Variants in FNDC3A observed in about 807,000 individuals in gnomAD.
FNDC3A encodes fibronectin type III domain containing 3A.
Under a neutral mutation model 148.9 loss-of-function variants are expected in FNDC3A, and 32 were observed. The ratio of observed to expected loss-of-function variants is 0.21; its 90% CI spans 0.16 to 0.29. The LOEUF (loss-of-function observed/expected upper bound fraction) is 0.29, where lower values mean the gene tolerates loss of function less well. Among genes scored for constraint, FNDC3A ranks in the 10% least tolerant of loss-of-function variants. The probability of loss-of-function intolerance (pLI) is 1.00; values close to 1 mark genes in which losing one functional copy is unlikely to be tolerated. For missense variants in FNDC3A, 1,191 were observed against 1,452.8 expected (o/e 0.82, Z 2.93); for synonymous variants, 472 against 473.6 (o/e 1.00, Z 0.04).
intron 4 of FNDC3A, among the ~76,000 whole-genome samples, chr13:49,125,014 G>A (rs1356483236): frequency 2.0e-5 from 3 of 152,152 alleles, no homozygotes; most frequent in African/African-American, 7.2e-5. Context: ...TTTATAGAAT[G>A]TGGGCTGTTA....
At chr13:49,029,040 C>T (rs780306941) in intron 2 of FNDC3A, among the ~76,000 whole-genome samples, 73 of 152,134 alleles carry the variant, frequency 4.8e-4, no homozygotes, top group Non-Finnish European at 9.3e-4. Context: ...GTGACATAAT[C>T]ATGGCCCACT....
Position 49,207,534 on chromosome 13 carries a change from G to T in FNDC3A, c.*139G>T, listed in dbSNP as rs1039951496. 1.7e-6 allele frequency: 1 copy of T among 579,686 alleles called. No homozygotes were observed. The highest frequency in any genetic ancestry group is 3.4e-5 in the Admixed American group (1 of 29,622). The allele number at this position is 579,686 out of a possible 1,614,324, so 35.9% of individuals were successfully genotyped here. ...GCACATCATTTTTGCCATTTTCAGT[G>T]CTTATATTGTTAGGTAGAGGCTGGC... On this transcript the variant is annotated 3_prime_UTR_variant, in exon 26 of 26. Coordinates refer to ENST00000492622, the MANE Select transcript of FNDC3A (RefSeq NM_001079673.2).
intron 24 of FNDC3A, among the ~76,000 whole-genome samples, chr13:49,202,795 G>T (rs2138140340): frequency 6.6e-6 from 1 of 152,290 alleles, no homozygotes; most frequent in Middle Eastern, 3.4e-3. Flanking sequence ...TTAAGGCCAG[G>T]AGTATTGAGA....
intron 1 of FNDC3A, among the ~76,000 whole-genome samples, chr13:48,982,540 A>G (rs1375576541): frequency 6.6e-6 from 1 of 152,166 alleles, no homozygotes; most frequent in Non-Finnish European, 1.5e-5. Context: ...CCTTTGGGTA[A>G]AATGTAGGGG....
At chr13:49,107,090 G>C (rs185581372) in intron 3 of FNDC3A, among the ~76,000 whole-genome samples, 105 of 152,288 alleles carry the variant, frequency 6.9e-4, no homozygotes, top group African/African-American at 2.3e-3. Flanking sequence ...GGTATGATCT[G>C]TTTCTTGGCT....
At chr13:49,164,138 A>G (rs1242603651) in intron 8 of FNDC3A, among the ~76,000 whole-genome samples, 1 of 152,116 alleles carries the variant, frequency 6.6e-6, no homozygotes, top group Non-Finnish European at 1.5e-5. Context: ...CTTCAAAGTT[A>G]TGAAACATAA....
At chr13:49,175,205 T>C (rs1884966143) in intron 12 of FNDC3A, among the ~76,000 whole-genome samples, 162 bp from the exon 13 acceptor site, 1 of 152,254 alleles carries the variant, frequency 6.6e-6, no homozygotes, top group Non-Finnish European at 1.5e-5. Flanking sequence ...GTTTGGTATC[T>C]GACCTGGTTA....
At chr13:49,167,409 G>A in intron 9 of FNDC3A, 106 bp downstream of exon 9, 2 of 675,690 alleles carry the variant, frequency 3.0e-6, no homozygotes, top group Non-Finnish European at 2.4e-6. Flanking sequence ...CATTAATTTT[G>A]GATTAAAAAC....
intron 8 of FNDC3A, among the ~76,000 whole-genome samples, chr13:49,166,388 T>C (rs1566300111): frequency 6.6e-6 from 1 of 152,118 alleles, no homozygotes; most frequent in Non-Finnish European, 1.5e-5. Flanking sequence ...GGGTAGGAAA[T>C]GTCAGTGGGG....
At chr13:49,028,528 A>C (rs1873887978) in intron 2 of FNDC3A, among the ~76,000 whole-genome samples, 1 of 152,134 alleles carries the variant, frequency 6.6e-6, no homozygotes, top group Non-Finnish European at 1.5e-5. Flanking sequence ...CATGAGCCAC[A>C]CTGTGCCCAG....
At chr13:49,066,381 A>G (rs533796692) in intron 2 of FNDC3A, among the ~76,000 whole-genome samples, 1 of 152,302 alleles carries the variant, frequency 6.6e-6, no homozygotes, top group South Asian at 2.1e-4. Context: ...CTTATAGTTC[A>G]TTGCTAGATA....
intron 8 of FNDC3A, among the ~76,000 whole-genome samples, chr13:49,152,878 A>G (rs944923362): frequency 2.0e-5 from 3 of 150,860 alleles, no homozygotes; most frequent in African/African-American, 7.3e-5. Flanking sequence ...ATAGTATTCC[A>G]TGGTGTATAT....
At chr13:49,129,528 A>G (rs547404370) in intron 4 of FNDC3A, among the ~76,000 whole-genome samples, 1 of 152,308 alleles carries the variant, frequency 6.6e-6, no homozygotes, top group East Asian at 1.9e-4. Context: ...AACTTCTTCC[A>G]GTGTTCGTTC....
chr13:49,188,601 G>C lies in FNDC3A; in HGVS notation c.1912G>C (p.Val638Leu). 1.2e-6 allele frequency: 2 copies of C among 1,613,130 alleles called. No individual in the cohort carries two copies. Among genetic ancestry groups the C allele is most frequent in the Middle Eastern group, 1.7e-4 (1 of 6,058 alleles). Residue 638 changes from valine to leucine, a missense_variant, in exon 17 of 26, where the codon GTT becomes CTT. Val to Leu is a conservative substitution (Grantham distance 32, BLOSUM62 1). Around this residue, in one of 3 missense-constraint regions of FNDC3A, gnomAD observed 751 missense variants for 944.0 expected, o/e 0.80. Coordinates refer to ENST00000492622, the MANE Select transcript of FNDC3A (RefSeq NM_001079673.2). ...TCCAGGCTGTTTCTATCGTTTACGAGTTTACTGCATCAGTGATGGAGGACA... is the reference window on the plus strand; with the variant it reads ...TCCAGGCTGTTTCTATCGTTTACGACTTTACTGCATCAGTGATGGAGGACA... Reference protein sequence around the residue: ...LNPGCFYRLRVYCISDGGQSA... With the variant: ...LNPGCFYRLRLYCISDGGQSA...
At chr13:49,005,102 T>C (rs1384561194) in intron 1 of FNDC3A, among the ~76,000 whole-genome samples, 1 of 151,948 alleles carries the variant, frequency 6.6e-6, no homozygotes, top group African/African-American at 2.4e-5. Context: ...GTATTAACTA[T>C]GAAATCTTCA....
chr13:49,150,047 A>G (rs1333208899), intron 8 of FNDC3A, among the ~76,000 whole-genome samples: 4 of 151,166 alleles, frequency 2.6e-5, no homozygotes, highest in Admixed American at 2.6e-4. Context: ...TTCTGATTTT[A>G]TTTGGGTCCC....
chr13:49,042,725 T>G (rs141488956), intron 2 of FNDC3A, among the ~76,000 whole-genome samples: 1 of 152,060 alleles, frequency 6.6e-6, no homozygotes, highest in Non-Finnish European at 1.5e-5. Context: ...TGCAGTGAGC[T>G]GCGATTGTGC....
intron 3 of FNDC3A, among the ~76,000 whole-genome samples, chr13:49,113,783 T>C (rs1880738652): frequency 6.6e-6 from 1 of 152,148 alleles, no homozygotes; most frequent in African/African-American, 2.4e-5. Flanking sequence ...AGAAAGGAAC[T>C]GAAGGGGGGT....
chr13:49,103,908 A>G (rs1239302427), intron 3 of FNDC3A, among the ~76,000 whole-genome samples: 1 of 152,238 alleles, frequency 6.6e-6, no homozygotes, highest in Admixed American at 6.5e-5. Flanking sequence ...ATACAGAATG[A>G]TAATCTTTCA....
Sources: allele counts gnomAD v4.1 joint callset (sites outside exome capture counted in the v4.1 genomes callset), GRCh38; gene constraint gnomAD v4.1.1; regional missense constraint gnomAD v4.1.1; transcripts MANE v1.5; gene names NCBI Gene and HGNC (gene_info 2026-07-23, HGNC 2026-07-21).